The following SLC4A10 variants were observed in gnomAD, a reference collection of about 807,000 sequenced individuals.
SLC4A10 encodes the protein sodium-driven chloride bicarbonate exchanger.
A neutral mutation model predicts 137.7 loss-of-function variants in SLC4A10; 42 were observed. The ratio of observed to expected loss-of-function variants is 0.30; its 90% CI spans 0.24 to 0.39. The LOEUF is 0.39. SLC4A10 is among the 10% of genes least tolerant of loss of function. SLC4A10 has a pLI of 1.00. For synonymous variants in SLC4A10, 474 were observed against 464.1 expected (o/e 1.02, Z -0.27); for missense variants, 925 against 1,355.0 (o/e 0.68, Z 4.98).
rs1379375159 is a variant in SLC4A10, at chr2:161,933,228, TTTCTTTCTTTCTTTCTTTCTTTC to T, written c.1998-9551_1998-9529del. Among the ~76,000 whole-genome samples the T allele has an allele frequency of 7.5e-5, 11 of 146,816 alleles. No individual in the cohort carries two copies. In the East Asian group the frequency reaches 9.9e-4, roughly 13 times the overall value. ...CTTTCTTTCTTTCTTTCTTTCTTTC[TTTCTTTCTTTCTTTCTTTCTTTC>T]TTCTTTCTTTCTCCTTCCTTCCTTT... On this transcript the variant is annotated intron_variant, in intron 15 of 26. Coordinates refer to ENST00000446997, the MANE Select transcript of SLC4A10 (RefSeq NM_001178015.2).
chr2:161,743,318 G>T (rs1011283108), intron 1 of SLC4A10, among the ~76,000 whole-genome samples: 1 of 152,112 alleles, frequency 6.6e-6, no homozygotes, highest in Non-Finnish European at 1.5e-5. Context: ...TAGGGGTCTA[G>T]TTCTATTCTT....
At chr2:161,790,956 G>A (rs184884508) in intron 2 of SLC4A10, among the ~76,000 whole-genome samples, 138 of 152,180 alleles carry the variant, frequency 9.1e-4, no homozygotes, top group Middle Eastern at 6.8e-3. Flanking sequence ...TTATTAAAAC[G>A]TCAAGAAACA....
Position 161,915,236 on chromosome 2 carries a change from G to A in SLC4A10, c.1997+9349G>A, listed in dbSNP as rs549774736. On this transcript the variant is annotated intron_variant, in intron 15 of 26. Coordinates refer to ENST00000446997, the MANE Select transcript of SLC4A10 (RefSeq NM_001178015.2). ...AGAAGCAGCTTGACTTCAGGGGAGA[G>A]CAACCTGCCCTTCCTGTCCCCTTTC... 4.2e-3 allele frequency among the ~76,000 whole-genome samples: 643 copies of A among 152,168 alleles called. 2 individuals are homozygous for A. Among genetic ancestry groups the A allele is most frequent in the African/African-American group, 0.015 (616 of 41,508 alleles).
Position 161,855,091 on chromosome 2 carries a change from T to C in SLC4A10, c.538T>C (p.Leu180=). 1.9e-6 allele frequency: 3 copies of C among 1,612,062 alleles called. No individual in the cohort carries two copies. The highest frequency in any genetic ancestry group is 1.3e-5 in the African/African-American group (1 of 74,976). Residue 180 remains leucine (L), a synonymous_variant, in exon 5 of 27, where the codon TTG becomes CTG. Transcript: ENST00000446997. The part of the protein sequence containing the change: ...LRSCILNGTV[L]LDMHANTLEE... Reference sequence around the variant, plus strand: ...AAGTTGTATTCTGAATGGAACTGTGTTGCTGGACATGCATGCCAACACTTT... The same window carrying C: ...AAGTTGTATTCTGAATGGAACTGTGCTGCTGGACATGCATGCCAACACTTT...
chr2:161,972,902 G>C (rs1007148338), intron 23 of SLC4A10, among the ~76,000 whole-genome samples: 8 of 152,194 alleles, frequency 5.3e-5, no homozygotes, highest in African/African-American at 1.9e-4. Flanking sequence ...TCATAGGTTA[G>C]CTGAAGAGGC....
intron 15 of SLC4A10, among the ~76,000 whole-genome samples, chr2:161,933,194 T>C (rs1195735872): frequency 1.1e-5 from 1 of 90,050 alleles, no homozygotes; most frequent in Non-Finnish European, 2.4e-5. Flanking sequence ...TTTCTTTCTT[T>C]CTTTCTTTCT....
chr2:161,716,701 T>C (rs1042581171), intron 1 of SLC4A10, among the ~76,000 whole-genome samples: 3 of 152,190 alleles, frequency 2.0e-5, no homozygotes, highest in Non-Finnish European at 2.9e-5. Flanking sequence ...CTGCTTTGGT[T>C]ACTGTAGCCT....
intron 10 of SLC4A10, 23 bp from the exon 11 acceptor site, chr2:161,894,656 T>C: frequency 6.5e-6 from 8 of 1,233,714 alleles, no homozygotes; most frequent in Non-Finnish European, 8.4e-6. Context: ...AAGCTATAAA[T>C]AATATTTCTA....
chr2:161,950,583 C>T, intron 18 of SLC4A10, 104 bp from the exon 19 acceptor site: 1 of 1,033,326 alleles, frequency 9.7e-7, no homozygotes, highest in South Asian at 1.6e-5. Flanking sequence ...CACTCAGCTC[C>T]TCTGTTTATA....
chr2:161,740,008 A>G (rs1055963167), intron 1 of SLC4A10, among the ~76,000 whole-genome samples: 2 of 152,150 alleles, frequency 1.3e-5, no homozygotes, highest in Admixed American at 6.6e-5. Flanking sequence ...GCCTGAGTGT[A>G]TGACCAGGCC....
At chr2:161,640,650 TTCCTTCC>T (rs77181072) in intron 1 of SLC4A10, among the ~76,000 whole-genome samples, 15,353 of 138,032 alleles carry the variant, frequency 0.11, 1,505 homozygotes, top group Non-Finnish European at 0.14. Flanking sequence ...CCTTCCTTCC[TTCCTTCC>T]TTCTTTCTTT....
At chr2:161,959,681 C>A (rs75999062) in intron 21 of SLC4A10, among the ~76,000 whole-genome samples, 2,005 of 152,250 alleles carry the variant, frequency 0.013, 40 homozygotes, top group East Asian at 0.099. Context: ...TTGACTTAGT[C>A]TTCAAAGTCA....
intron 3 of SLC4A10, among the ~76,000 whole-genome samples, chr2:161,829,701 T>C (rs1294150192): frequency 6.6e-6 from 1 of 152,178 alleles, no homozygotes; most frequent in African/African-American, 2.4e-5. Context: ...TATATTTATG[T>C]ATTGGTCTGT....
At chr2:161,686,723 T>C (rs2041448905) in intron 1 of SLC4A10, among the ~76,000 whole-genome samples, 1 of 152,210 alleles carries the variant, frequency 6.6e-6, no homozygotes, top group African/African-American at 2.4e-5. Context: ...CATTAGGTTG[T>C]AGAACAATTT....
At chr2:161,722,125 G>A (rs576096015) in intron 1 of SLC4A10, among the ~76,000 whole-genome samples, 10 of 152,266 alleles carry the variant, frequency 6.6e-5, no homozygotes, top group African/African-American at 1.7e-4. Flanking sequence ...GGGTTAGAAC[G>A]TACTCCTTTA....
At chr2:161,660,626 T>TTCTA (rs879771864) in intron 1 of SLC4A10, among the ~76,000 whole-genome samples, 2 of 137,256 alleles carry the variant, frequency 1.5e-5, no homozygotes, top group African/African-American at 5.5e-5. Context: ...CTTTCTTTCT[T>TTCTA]CCTTTCCTTC....
At chr2:161,655,268 T>C (rs2037351306) in intron 1 of SLC4A10, among the ~76,000 whole-genome samples, 1 of 152,180 alleles carries the variant, frequency 6.6e-6, no homozygotes, top group African/African-American at 2.4e-5. Context: ...TTTGGTGGGA[T>C]ATTTAGGTTT....
intron 4 of SLC4A10, among the ~76,000 whole-genome samples, chr2:161,849,406 T>C (rs551724429): frequency 6.6e-6 from 1 of 152,270 alleles, no homozygotes; most frequent in Non-Finnish European, 1.5e-5. Context: ...TATTCTTTTC[T>C]GCTTCTCTGG....
intron 3 of SLC4A10, among the ~76,000 whole-genome samples, chr2:161,812,857 C>T (rs2056687940): frequency 1.3e-5 from 2 of 152,136 alleles, no homozygotes; most frequent in South Asian, 4.1e-4. Flanking sequence ...GATTTCTGCT[C>T]TGTATCCTTT....
Sources: allele counts gnomAD v4.1 joint callset (sites outside exome capture counted in the v4.1 genomes callset), GRCh38; gene constraint gnomAD v4.1.1; transcripts MANE v1.5; gene names NCBI Gene and HGNC (gene_info 2026-07-23, HGNC 2026-07-21).